The following MTG1 variants were observed in gnomAD, a reference collection of about 807,000 sequenced individuals.
The protein encoded by MTG1 is mitochondrial ribosome-associated GTPase 1.
Under a neutral mutation model 39.5 loss-of-function variants are expected in MTG1, and 30 were observed. The ratio of observed to expected loss-of-function variants is 0.76; its 90% CI spans 0.57 to 1.03. MTG1 has a LOEUF of 1.03. MTG1 is among the 50% of genes least tolerant of loss of function. The probability of loss-of-function intolerance (pLI) is 0.00; values close to 1 mark genes in which losing one functional copy is unlikely to be tolerated. For synonymous variants in MTG1, 217 were observed against 179.0 expected, an observed-to-expected ratio of 1.21 and a Z score of -1.69; for missense variants, 513 against 447.4, an observed-to-expected ratio of 1.15 and a Z score of -1.32.
At chr10:133,416,385 TA>T (rs375406972) in intron 9 of MTG1, among the ~76,000 whole-genome samples, 15,744 of 144,352 alleles carry the variant, frequency 0.11, 876 homozygotes, top group Middle Eastern at 0.14. Flanking sequence ...TATATATATA[TA>T]TATTTTTCTT....
chr10:133,409,713 A>G (rs1850018043), intron 9 of MTG1, among the ~76,000 whole-genome samples: 1 of 152,334 alleles, frequency 6.6e-6, no homozygotes. Context: ...TGTTGGGTGC[A>G]TAGATATTTA....
intron 9 of MTG1, among the ~76,000 whole-genome samples, chr10:133,410,990 G>A (rs1850038106): frequency 2.0e-5 from 3 of 152,158 alleles, no homozygotes; most frequent in South Asian, 4.1e-4. Context: ...CTTCACACTA[G>A]AGATGTGAAT....
chr10:133,401,320 A>G, intron 6 of MTG1: 1 of 483,060 alleles, frequency 2.1e-6, no homozygotes, highest in South Asian at 3.6e-5. Flanking sequence ...GAAACAAATT[A>G]TAGCCTTGGG....
intron 1 of MTG1, among the ~76,000 whole-genome samples, chr10:133,395,460 T>G (rs1442891335): frequency 1.3e-5 from 2 of 152,158 alleles, no homozygotes; most frequent in Admixed American, 6.5e-5. Context: ...AGTCAGGTGG[T>G]GAAGACCGCA....
At chr10:133,417,766 C>T (rs867208491) in intron 9 of MTG1, among the ~76,000 whole-genome samples, 4 of 152,170 alleles carry the variant, frequency 2.6e-5, no homozygotes, top group African/African-American at 7.2e-5. Flanking sequence ...AGTGAACTCC[C>T]ATTCACAATT....
chr10:133,415,338 G>T (rs74162007), intron 9 of MTG1, among the ~76,000 whole-genome samples: 11,019 of 152,192 alleles, frequency 0.072, 424 homozygotes, highest in Middle Eastern at 0.13. Context: ...AACATGTATT[G>T]TAAGGCAGGT....
At position 133,397,636 on chromosome 10, in the gene MTG1, G is replaced by C. The variant is rs971967324; in HGVS notation, c.283-799G>C. Among the ~76,000 whole-genome samples, 3 of 151,910 alleles carry C rather than the reference G, an allele frequency of 2.0e-5. No individual in the cohort carries two copies. The East Asian group carries it at 5.8e-4, about 29-fold the overall frequency. On this transcript the variant is annotated intron_variant, in intron 3 of 10. Transcript: ENST00000317502. ...CGGGACTACAGGCGCCCGCCACCAT[G>C]CCCGGCTAATTTTTTGTATCTTTAG...
At chr10:133,400,657 T>C (rs1408900083) in intron 6 of MTG1, among the ~76,000 whole-genome samples, 1 of 152,258 alleles carries the variant, frequency 6.6e-6, no homozygotes, top group Non-Finnish European at 1.5e-5. Flanking sequence ...TTATTTTTTA[T>C]CAGTGGTATT....
chr10:133,398,509 C>G lies in MTG1; in HGVS notation c.357C>G (p.Val119=). The G allele has an allele frequency of 3.7e-6, 6 of 1,613,598 alleles. No individual in the cohort carries two copies. The highest frequency in any genetic ancestry group is 5.1e-6 in the Non-Finnish European group (6 of 1,179,884). The change falls in exon 4 of 11, where the codon GTC becomes GTG. Residue 119 remains valine (V), a synonymous_variant. Transcript: ENST00000317502. The part of the protein sequence containing the change: ...IFTNCVKDEN[V]KQIIPMVTEL... The stretch of plus-strand genomic sequence containing the variant: ...CCAACTGTGTAAAGGATGAAAATGT[C>G]AAGCAGGTAGGCTTTTCGTCTGTGC...
rs1219971034 is a variant in MTG1, at chr10:133,421,911, A to AGGGGGGGGGGGGGG, written c.*1749_*1750insGGGGGGGGGGGGGG. ...AGATCCCAAGGCCACGGCGGGGGGCAGGGAGAACCCCTCCTACCCTGGATG... is the reference window on the plus strand; with the variant it reads ...AGATCCCAAGGCCACGGCGGGGGGCAGGGGGGGGGGGGGGGGGAGAACCCCTCCTACCCTGGATG... On this transcript the variant is annotated 3_prime_UTR_variant, in exon 11 of 11. Transcript: ENST00000317502. The AGGGGGGGGGGGGGG allele has an allele frequency of 5.1e-4, 60 of 118,378 alleles. No homozygotes were observed. Among genetic ancestry groups the AGGGGGGGGGGGGGG allele is most frequent in the Admixed American group, 1.1e-3 (11 of 10,232 alleles). The allele number at this position is 118,378 out of a possible 1,614,324, so 7.3% of individuals were successfully genotyped here. A position where few individuals can be genotyped will look rare whatever the true frequency, so the allele number is the denominator to read the frequency against.
intron 7 of MTG1, 153 bp from the exon 8 acceptor site, chr10:133,401,996 C>G (rs1380042231): frequency 3.8e-6 from 3 of 785,334 alleles, no homozygotes; most frequent in African/African-American, 3.4e-5. Flanking sequence ...CTGGGGAACC[C>G]TGGAGCTTGG....
chr10:133,395,744 G>T lies in MTG1; in HGVS notation c.144G>T (p.Leu48=), dbSNP rs1439738555. 1 of 1,614,132 alleles carries T rather than the reference G, an allele frequency of 6.2e-7. No individual in the cohort carries two copies. The change falls in exon 2 of 11, where the codon CTG becomes CTT. Residue 48 remains leucine (L), a synonymous_variant. Transcript: ENST00000317502. ...GLKKMQSSLK[L]VDCIIEVHDA... The stretch of plus-strand genomic sequence containing the variant: ...AGAAGATGCAGAGCAGCCTGAAGCT[G>T]GTGGACTGTATCATCGAGGTCCACG...
chr10:133,402,398 C>T lies in MTG1; in HGVS notation c.670+153C>T. 1.2e-6 allele frequency: 1 copy of T among 863,428 alleles called. No individual in the cohort carries two copies. The highest frequency in any genetic ancestry group is 2.6e-5 in the East Asian group (1 of 38,256). The allele number at this position is 863,428 out of a possible 1,614,324, so 53.5% of individuals were successfully genotyped here. ...CCTTCCTCGAAGCTTAGTGTGAGAG[C>T]TGTAATAGTGCACAGCTGACAGGCA... On this transcript the variant is annotated intron_variant, in intron 8 of 10. Coordinates refer to ENST00000317502, the MANE Select transcript of MTG1 (RefSeq NM_138384.4). This position sits in a 1 kb window ranked among gnomAD's most constrained non-coding sequence, Gnocchi z 4.7.
chr10:133,420,115 C>G lies in MTG1; in HGVS notation c.955C>G (p.Leu319Val). The change falls in exon 11 of 11, where the codon CTG (leucine) becomes GTG (valine). Residue 319 changes from leucine to valine, a missense_variant. Transcript: ENST00000317502. ...CCGTGGGCTGCTGGGTTCCGTGATG[C>G]TGGACCTCGACGTCCTGCGGGGCCA... ...FRRGLLGSVMLDLDVLRGHPP... is the reference protein window; with the variant it reads ...FRRGLLGSVMVDLDVLRGHPP... 1 of 1,613,388 alleles carries G rather than the reference C, an allele frequency of 6.2e-7. No homozygotes were observed. The highest frequency in any genetic ancestry group is 8.5e-7 in the Non-Finnish European group (1 of 1,179,778).
chr10:133,394,761 A>G (rs1849755752), intron 1 of MTG1: 2 of 989,664 alleles, frequency 2.0e-6, no homozygotes, highest in Non-Finnish European at 2.4e-6. Flanking sequence ...TTTAACTGGT[A>G]TCTTGAGTCG....
chr10:133,414,433 C>G (rs1223217788), intron 9 of MTG1, among the ~76,000 whole-genome samples: 1 of 152,260 alleles, frequency 6.6e-6, no homozygotes, highest in Non-Finnish European at 1.5e-5. Flanking sequence ...CTGTTGGGTA[C>G]AACTCCCAGA....
chr10:133,403,785 T>G (rs1317535722), intron 9 of MTG1, among the ~76,000 whole-genome samples: 1 of 122,544 alleles, frequency 8.2e-6, no homozygotes, highest in East Asian at 2.4e-4. Flanking sequence ...TCCCTTGGGT[T>G]AATACCTAGG....
At position 133,420,208 on chromosome 10, in the gene MTG1, ACCT is replaced by A. The variant is rs769774219; in HGVS notation, c.*47_*49del. ...GGGCCGGAGGCATGTGGCCTCCCAG[ACCT>A]CCTGACCTGGGTGGTTGAGGCTCAA... On this transcript the variant is annotated 3_prime_UTR_variant, in exon 11 of 11. Transcript: ENST00000317502. 4 of 1,559,086 alleles carry A rather than the reference ACCT, an allele frequency of 2.6e-6. No individual in the cohort carries two copies. The highest frequency in any genetic ancestry group is 2.3e-5 in the East Asian group (1 of 43,928).
In MTG1 at chr10:133,419,704, G is replaced by A. The variant is rs189579797; in HGVS notation, c.865+112G>A. Reference sequence around the variant, plus strand: ...AGGAACGTGTCAAGGAGCATGCGCCGGGTCTTCTGGGAATGGGTTTCAGGG... The same window carrying A: ...AGGAACGTGTCAAGGAGCATGCGCCAGGTCTTCTGGGAATGGGTTTCAGGG... On this transcript the variant is annotated intron_variant, in intron 10 of 10. Transcript: ENST00000317502. 5.0e-5 allele frequency: 44 copies of A among 880,480 alleles called. No homozygotes were observed. The Middle Eastern group carries it at 1.0e-3, about 21-fold the overall frequency. The allele number at this position is 880,480 out of a possible 1,614,324, so 54.5% of individuals were successfully genotyped here.
Sources: allele counts gnomAD v4.1 joint callset (sites outside exome capture counted in the v4.1 genomes callset), GRCh38; gene constraint gnomAD v4.1.1; non-coding constraint Gnocchi (gnomAD v3.1); transcripts MANE v1.5; gene names NCBI Gene and HGNC (gene_info 2026-07-23, HGNC 2026-07-21).